GOLIM4: variants seen among roughly 807,000 people sequenced by gnomAD.
GOLIM4 encodes golgi integral membrane protein 4, also known as 130 kDa golgi-localized phosphoprotein.
In GOLIM4, 71 loss-of-function variants were observed where a neutral mutation model predicts 107.4. The ratio of observed to expected loss-of-function variants is 0.66; its 90% CI spans 0.55 to 0.81. The LOEUF is 0.81. GOLIM4 is among the 30% of genes least tolerant of loss of function. GOLIM4 has a pLI of 0.00. For missense variants in GOLIM4, 830 were observed against 826.1 expected (o/e 1.00, Z -0.06); for synonymous variants, 327 against 294.8 (o/e 1.11, Z -1.12).
At chr3:168,063,749 G>A (rs1247648499) in intron 1 of GOLIM4, among the ~76,000 whole-genome samples, 1 of 151,810 alleles carries the variant, frequency 6.6e-6, no homozygotes, top group Non-Finnish European at 1.5e-5. Context: ...AGAGCATCAG[G>A]AAGCATAGCT....
rs112308497 is a variant in GOLIM4, at chr3:168,042,241, A to AT, written c.518-768dup. Among the ~76,000 whole-genome samples the AT allele has an allele frequency of 2.1e-3, 299 of 145,000 alleles. 5 individuals carry two copies. Among genetic ancestry groups the AT allele is most frequent in the South Asian group, 0.021 (94 of 4,568 alleles). On this transcript the variant is annotated intron_variant, in intron 5 of 15. Coordinates refer to ENST00000470487, the MANE Select transcript of GOLIM4 (RefSeq NM_014498.5). ...CTCACTTTAAACTTATTTAGCACCTATTTTTTTTTTTTGACAGAGTCTCTC... is the reference window on the plus strand; with the variant it reads ...CTCACTTTAAACTTATTTAGCACCTATTTTTTTTTTTTTGACAGAGTCTCTC...
chr3:168,009,632 T>C lies in GOLIM4; in HGVS notation c.*637A>G, dbSNP rs1716878240. On this transcript the variant is annotated 3_prime_UTR_variant, in exon 16 of 16. Transcript: ENST00000470487. ...AATACTCTCTCATTTTTAAATTCAA[T>C]TCCTCTTAAACAGAACAGCTATGAT... The C allele has an allele frequency of 6.6e-6, 1 of 152,186 alleles. No individual in the cohort carries two copies. The highest frequency in any genetic ancestry group is 1.5e-5 in the Non-Finnish European group (1 of 68,052). The allele number at this position is 152,186 out of a possible 1,614,324, so 9.4% of individuals were successfully genotyped here.
intron 1 of GOLIM4, among the ~76,000 whole-genome samples, chr3:168,082,261 A>C (rs569403625): frequency 6.6e-6 from 1 of 152,284 alleles, no homozygotes; most frequent in South Asian, 2.1e-4. Context: ...GGATCACAGG[A>C]AAAACATTCA....
rs149179775 is a variant in GOLIM4 at position 168,074,084 on chromosome 3, T to C, written c.187+21015A>G. Among the ~76,000 whole-genome samples the C allele has an allele frequency of 6.5e-3, 984 of 152,300 alleles. 9 individuals are homozygous for C. Among genetic ancestry groups the C allele is most frequent in the African/African-American group, 0.02 (845 of 41,550 alleles). ...AGCCAGCTGCCATGTTATGAGGACATGTAGGCAACCCGAGGAGGGGCGCAC... is the reference window on the plus strand; with the variant it reads ...AGCCAGCTGCCATGTTATGAGGACACGTAGGCAACCCGAGGAGGGGCGCAC... On this transcript the variant is annotated intron_variant, in intron 1 of 15. Transcript: ENST00000470487.
At chr3:168,025,134 C>T in intron 12 of GOLIM4, 39 bp from the exon 13 acceptor site, 1 of 1,520,056 alleles carries the variant, frequency 6.6e-7, no homozygotes, top group Non-Finnish European at 9.0e-7. Flanking sequence ...CACTTCAAAA[C>T]TGAGGATCAA....
At chr3:168,010,622 A>G (rs542371632) in intron 15 of GOLIM4, 121 bp downstream of exon 15, 6 of 845,708 alleles carry the variant, frequency 7.1e-6, no homozygotes, top group Admixed American at 2.2e-5. Flanking sequence ...TGTTAAATTC[A>G]GTGGTAACTC....
intron 1 of GOLIM4, among the ~76,000 whole-genome samples, chr3:168,065,594 T>C (rs116539793): frequency 0.011 from 1,734 of 152,288 alleles, 33 homozygotes; most frequent in African/African-American, 0.04. Flanking sequence ...TAATTGCAAA[T>C]GGGTCTAATG....
chr3:168,025,270 C>T (rs1026420364), intron 12 of GOLIM4, among the ~76,000 whole-genome samples, 175 bp from the exon 13 acceptor site: 9 of 152,210 alleles, frequency 5.9e-5, no homozygotes, highest in African/African-American at 2.2e-4. Flanking sequence ...GAGAAAACTC[C>T]TGCTTTACTT....
intron 1 of GOLIM4, among the ~76,000 whole-genome samples, chr3:168,068,744 A>C (rs948929938): frequency 1.3e-5 from 2 of 152,048 alleles, no homozygotes; most frequent in African/African-American, 4.8e-5. Flanking sequence ...AAGAATAAAC[A>C]CTAAAATTTT....
intron 1 of GOLIM4, among the ~76,000 whole-genome samples, chr3:168,067,346 A>G (rs1274023200): frequency 2.0e-5 from 3 of 152,092 alleles, no homozygotes; most frequent in Non-Finnish European, 4.4e-5. Context: ...TTAAGCAGCT[A>G]TCTAAATGGA....
chr3:168,033,231 G>C (rs1459540671), intron 8 of GOLIM4, among the ~76,000 whole-genome samples: 2 of 152,078 alleles, frequency 1.3e-5, no homozygotes, highest in African/African-American at 4.8e-5. Flanking sequence ...TTTGTTTTCA[G>C]TAATTATTTG....
chr3:168,055,382 T>C (rs759529493), intron 1 of GOLIM4, among the ~76,000 whole-genome samples: 1 of 152,200 alleles, frequency 6.6e-6, no homozygotes, highest in Non-Finnish European at 1.5e-5. Context: ...GTGGCTTCTG[T>C]TATATTTTAG....
chr3:168,090,697 A>T (rs2108297809), intron 1 of GOLIM4, among the ~76,000 whole-genome samples: 1 of 152,328 alleles, frequency 6.6e-6, no homozygotes, highest in African/African-American at 2.4e-5. Flanking sequence ...ATAAATAATT[A>T]TACAAAAAAG....
intron 5 of GOLIM4, among the ~76,000 whole-genome samples, chr3:168,043,125 G>T (rs370687219): frequency 1.1e-4 from 17 of 152,122 alleles, no homozygotes; most frequent in African/African-American, 4.1e-4. Flanking sequence ...GCCCAACAGG[G>T]CCATGTGCCC....
chr3:168,052,200 AAT>A (rs1719686133), intron 1 of GOLIM4, among the ~76,000 whole-genome samples: 1 of 152,290 alleles, frequency 6.6e-6, no homozygotes, highest in South Asian at 2.1e-4. Context: ...AAGTGCTTAG[AAT>A]ACTGCCTGGC....
At chr3:168,049,506 T>C (rs1179670033) in intron 1 of GOLIM4, among the ~76,000 whole-genome samples, 1 of 152,200 alleles carries the variant, frequency 6.6e-6, no homozygotes, top group Non-Finnish European at 1.5e-5. Context: ...GAATCCTGTT[T>C]GTTCAGCATT....
intron 1 of GOLIM4, among the ~76,000 whole-genome samples, chr3:168,063,569 C>G (rs921149256): frequency 1.3e-5 from 2 of 151,968 alleles, no homozygotes; most frequent in African/African-American, 4.8e-5. Flanking sequence ...TTGGGCATTG[C>G]CTGATTTGGG....
intron 14 of GOLIM4, among the ~76,000 whole-genome samples, chr3:168,019,153 T>C (rs560368177): frequency 6.6e-6 from 1 of 152,320 alleles, no homozygotes; most frequent in South Asian, 2.1e-4. Flanking sequence ...CTCTGCAACT[T>C]TTCTGACTGT....
At chr3:168,047,092 A>C (rs546063415) in intron 2 of GOLIM4, 93 bp from the exon 3 acceptor site, 5 of 626,510 alleles carry the variant, frequency 8.0e-6, no homozygotes, top group African/African-American at 5.8e-5. Flanking sequence ...TCATGCTTAC[A>C]AAAGTGTTTT....
Sources: gnomAD v4.1 joint callset for allele counts (sites outside exome capture counted in the v4.1 genomes callset) on GRCh38, gnomAD v4.1.1 for gene constraint, MANE v1.5 for transcripts, NCBI Gene and HGNC (gene_info 2026-07-23, HGNC 2026-07-21) for gene names.